RHOBTB2: variants seen among roughly 807,000 people sequenced by gnomAD.
RHOBTB2 encodes rho-related BTB domain-containing protein 2.
Under a neutral mutation model 66.5 loss-of-function variants are expected in RHOBTB2, and 39 were observed. That is an observed-to-expected ratio of 0.59 (90% CI 0.45 to 0.77). The LOEUF (loss-of-function observed/expected upper bound fraction) is 0.77. Among genes scored for constraint, RHOBTB2 ranks in the 30% least tolerant of loss-of-function variants. RHOBTB2 has a pLI of 0.00. For synonymous variants in RHOBTB2, 390 were observed against 395.0 expected (o/e 0.99, Z 0.15); for missense variants, 755 against 999.1 (o/e 0.76, Z 3.29).
intron 3 of RHOBTB2, 137 bp from the exon 4 acceptor site, chr8:23,005,823 T>A: frequency 1.3e-6 from 1 of 766,486 alleles, no homozygotes. Context: ...TGTGATTATA[T>A]GTTTTGTGTC....
the RHOBTB2 span, among the ~76,000 whole-genome samples, chr8:22,953,034 T>TG: frequency 1.3e-5 from 2 of 152,190 alleles, no homozygotes; most frequent in African/African-American, 2.4e-5. Context: ...GGCATGCTTC[T>TG]GGGGAATTGC....
the RHOBTB2 span, among the ~76,000 whole-genome samples, chr8:22,968,813 A>G: frequency 6.6e-6 from 1 of 151,896 alleles, no homozygotes. Context: ...TAGTTCAAAG[A>G]GAAAAGTATA....
At position 23,006,343 on chromosome 8, in the gene RHOBTB2, G is replaced by A; in HGVS notation, c.482+198G>A. ...ACACCTCTGGTGTGGGCAGTGCTAT[G>A]TAAAGCATCATGAAGAAAAATAGAG... On this transcript the variant is annotated intron_variant, in intron 4 of 9. Coordinates refer to ENST00000251822, the MANE Select transcript of RHOBTB2 (RefSeq NM_015178.3). This position sits in a 1 kb window ranked among gnomAD's most constrained non-coding sequence, Gnocchi z 6.1. 1 of 574,514 alleles carries A rather than the reference G, an allele frequency of 1.7e-6. No individual in the cohort carries two copies. Among genetic ancestry groups the A allele is most frequent in the Non-Finnish European group, 3.1e-6 (1 of 325,322 alleles). The allele number at this position is 574,514 out of a possible 1,614,324, so 35.6% of individuals were successfully genotyped here. A position where few individuals can be genotyped will look rare whatever the true frequency, so the allele number is the denominator to read the frequency against.
chr8:23,017,983 T>C lies in RHOBTB2; in HGVS notation c.*514T>C, dbSNP rs1320423849. ...CTCACTGGAGAAGTCAGGGTAGAAATTGAGCCTTCAGAGCCCAACTCAAGG... is the reference window on the plus strand; with the variant it reads ...CTCACTGGAGAAGTCAGGGTAGAAACTGAGCCTTCAGAGCCCAACTCAAGG... On this transcript the variant is annotated 3_prime_UTR_variant, in exon 10 of 10. Coordinates refer to ENST00000251822, the MANE Select transcript of RHOBTB2 (RefSeq NM_015178.3). The surrounding 1 kb of genome is among the most constrained non-coding windows in gnomAD (Gnocchi z 5.3). 1.2e-5 allele frequency: 2 copies of C among 163,028 alleles called. No individual in the cohort carries two copies. Among genetic ancestry groups the C allele is most frequent in the African/African-American group, 4.8e-5 (2 of 41,728 alleles). 10.1% of individuals were successfully genotyped at this position (163,028 alleles called of 1,614,324 possible). A position where few individuals can be genotyped will look rare whatever the true frequency, so the allele number is the denominator to read the frequency against.
upstream of RHOBTB2, among the ~76,000 whole-genome samples, chr8:22,986,140 T>TTCTCTCTCTC (rs58840002): frequency 1.1e-4 from 16 of 147,906 alleles, no homozygotes; most frequent in African/African-American, 3.3e-4. Flanking sequence ...GACGGTGGAC[T>TTCTCTCTCTC]TCTCTCTCTC....
At chr8:22,970,974 CCTCT>C in the RHOBTB2 span, among the ~76,000 whole-genome samples, 1 of 152,120 alleles carries the variant, frequency 6.6e-6, no homozygotes, top group African/African-American at 2.4e-5. Context: ...CCTCAATAAA[CCTCT>C]CTATCTGTGT....
the RHOBTB2 span, among the ~76,000 whole-genome samples, chr8:22,952,214 G>T: frequency 1.3e-5 from 2 of 152,056 alleles, no homozygotes; most frequent in Non-Finnish European, 2.9e-5. Flanking sequence ...CCCACCTGGC[G>T]AGTATCTTGA....
At chr8:23,014,616 T>TG in intron 7 of RHOBTB2, 74 bp from the exon 8 acceptor site, 2 of 1,352,684 alleles carry the variant, frequency 1.5e-6, no homozygotes, top group Non-Finnish European at 2.1e-6. Context: ...TGAAGTGAGC[T>TG]GGGGGATGTG....
chr8:23,019,766 C>T lies in RHOBTB2; in HGVS notation c.*2297C>T, dbSNP rs1315366881. The T allele has an allele frequency of 6.2e-6, 1 of 160,508 alleles. No individual in the cohort carries two copies. Among genetic ancestry groups the T allele is most frequent in the East Asian group, 1.8e-4 (1 of 5,432 alleles). The allele number at this position is 160,508 out of a possible 1,614,324, so 9.9% of individuals were successfully genotyped here. ...GGATTCCCTGAGAAACAGGGCCGGC[C>T]CCCCAACTTCAGGGACCCACCGCCC... On this transcript the variant is annotated 3_prime_UTR_variant, in exon 10 of 10. Transcript: ENST00000251822.
At chr8:23,005,873 G>T in intron 3 of RHOBTB2, 87 bp from the exon 4 acceptor site, 1 of 1,302,898 alleles carries the variant, frequency 7.7e-7, no homozygotes. Context: ...GTGTGGGACT[G>T]TACAGGGCTG....
At chr8:22,958,584 A>C in the RHOBTB2 span, among the ~76,000 whole-genome samples, 1 of 151,994 alleles carries the variant, frequency 6.6e-6, no homozygotes. Flanking sequence ...GGATTTCTTG[A>C]GCCCAGGAGT....
chr8:23,012,849 G>T (rs537552485), intron 7 of RHOBTB2, among the ~76,000 whole-genome samples: 3 of 151,950 alleles, frequency 2.0e-5, no homozygotes, highest in Non-Finnish European at 1.5e-5. Flanking sequence ...GGTCTCTCAG[G>T]CTGGAGTGCA....
In RHOBTB2 at chr8:23,005,489, C is replaced by G; in HGVS notation, c.296+14C>G. 6.4e-7 allele frequency: 1 copy of G among 1,563,972 alleles called. No homozygotes were observed. The highest frequency in any genetic ancestry group is 1.1e-5 in the South Asian group (1 of 90,134). On this transcript the variant is annotated intron_variant, in intron 3 of 9. Coordinates refer to ENST00000251822, the MANE Select transcript of RHOBTB2 (RefSeq NM_015178.3). ...TGCTTATGGGAGGTAGGGAAGGCCT[C>G]TAGCCGCCTGCAGAGAACCAACAGG...
chr8:22,998,764 C>T (rs1410161946), upstream of RHOBTB2, among the ~76,000 whole-genome samples: 20 of 148,602 alleles, frequency 1.3e-4, no homozygotes. Context: ...CTGATAAAAC[C>T]AGCCTTGAAT....
rs1189561462 is a variant in RHOBTB2, at chr8:23,017,466, C to T, written c.2181C>T (p.Val727=). Residue 727 remains valine, a synonymous_variant, in exon 10 of 10, where the codon GTC becomes GTT. Coordinates refer to ENST00000251822, the MANE Select transcript of RHOBTB2 (RefSeq NM_015178.3). The surrounding 1 kb of genome is among the most constrained non-coding windows in gnomAD (Gnocchi z 5.3). The stretch of plus-strand genomic sequence containing the variant: ...CCCCATCTTCCTCCTCGGCTGTGGT[C>T]TGAGATGCTGCCACCCTCTTCTGAC... ...SSSPSSSSAV[V] is the part of the protein sequence containing the mutation. 3 of 1,578,296 alleles carry T rather than the reference C, an allele frequency of 1.9e-6. No individual in the cohort carries two copies. Among genetic ancestry groups the T allele is most frequent in the African/African-American group, 1.4e-5 (1 of 73,896 alleles).
At chr8:22,972,411 G>A in the RHOBTB2 span, among the ~76,000 whole-genome samples, 11 of 152,280 alleles carry the variant, frequency 7.2e-5, no homozygotes, top group African/African-American at 2.2e-4. Flanking sequence ...CAAAGTCAGC[G>A]CATGGCCTTG....
the RHOBTB2 span, among the ~76,000 whole-genome samples, chr8:22,976,597 A>G: frequency 6.6e-6 from 1 of 152,228 alleles, no homozygotes; most frequent in African/African-American, 2.4e-5. Flanking sequence ...AAATGTCAGA[A>G]GCACTGTTTT....
chr8:22,954,477 G>A, the RHOBTB2 span, among the ~76,000 whole-genome samples: 30,318 of 152,096 alleles, frequency 0.2, 3,061 homozygotes, highest in Middle Eastern at 0.22. Flanking sequence ...GCTATGTATC[G>A]TTTTCTATTG....
intron 1 of RHOBTB2, among the ~76,000 whole-genome samples, chr8:22,989,204 G>A (rs1231891861): frequency 6.6e-6 from 1 of 152,146 alleles, no homozygotes; most frequent in Non-Finnish European, 1.5e-5. Flanking sequence ...CTGGAGTGCA[G>A]TGGCACTATC....
Sources: allele counts gnomAD v4.1 joint callset (sites outside exome capture counted in the v4.1 genomes callset), GRCh38; gene constraint gnomAD v4.1.1; non-coding constraint Gnocchi (gnomAD v3.1); transcripts MANE v1.5; gene names NCBI Gene and HGNC (gene_info 2026-07-23, HGNC 2026-07-21).